The following DPP8 variants were observed in gnomAD, a reference collection of about 807,000 sequenced individuals.
DPP8 encodes dipeptidyl peptidase 8.
DPP8 carries 31 observed loss-of-function variants against 107.5 expected under a neutral mutation model. The observed-to-expected ratio is 0.29, with a 90% CI of 0.22 to 0.39. The LOEUF (loss-of-function observed/expected upper bound fraction) is 0.39, where lower values mean the gene tolerates loss of function less well. Among genes scored for constraint, DPP8 ranks in the 10% least tolerant of loss-of-function variants. The pLI, the probability that DPP8 is intolerant of heterozygous loss-of-function variation, is 1.00. For synonymous variants in DPP8, 381 were observed against 356.6 expected, an observed-to-expected ratio of 1.07 and a Z score of -0.77; for missense variants, 842 against 1,076.1, an observed-to-expected ratio of 0.78 and a Z score of 3.04.
At chr15:65,506,447 T>C (rs1019625443) in intron 3 of DPP8, among the ~76,000 whole-genome samples, 1 of 151,712 alleles carries the variant, frequency 6.6e-6, no homozygotes, top group Non-Finnish European at 1.5e-5. Flanking sequence ...CAATTTACTT[T>C]CTTATCTAAA....
chr15:65,485,004 C>T (rs772187714), intron 8 of DPP8, 95 bp downstream of exon 8: 75 of 975,028 alleles, frequency 7.7e-5, no homozygotes, highest in Non-Finnish European at 1.1e-4. Context: ...GCAAGTTCAG[C>T]AAGTCCAAAA....
rs187264927 is a variant in DPP8 at position 65,504,389 on chromosome 15, G to A, written c.372+2854C>T. Reference sequence around the variant, plus strand: ...AAAAAAAAAAAAAAAAATTGTGGTAGGGCCGGGTGCAGCGGCTCACGCTTG... The same window carrying A: ...AAAAAAAAAAAAAAAAATTGTGGTAAGGCCGGGTGCAGCGGCTCACGCTTG... On this transcript the variant is annotated intron_variant, in intron 3 of 19. Coordinates refer to ENST00000300141, the MANE Select transcript of DPP8 (RefSeq NM_130434.5). Among the ~76,000 whole-genome samples, 182 of 150,196 alleles carry A rather than the reference G, an allele frequency of 1.2e-3. 3 individuals are homozygous for A. Among genetic ancestry groups the A allele is most frequent in the East Asian group, 6.1e-3 (31 of 5,052 alleles).
chr15:65,471,319 A>G (rs2065876283), intron 12 of DPP8, among the ~76,000 whole-genome samples: 1 of 152,184 alleles, frequency 6.6e-6, no homozygotes, highest in African/African-American at 2.4e-5. Flanking sequence ...ATGAGACCTT[A>G]AAGGTCAGTC....
At chr15:65,479,719 C>T (rs2140724471) in intron 10 of DPP8, among the ~76,000 whole-genome samples, 1 of 151,760 alleles carries the variant, frequency 6.6e-6, no homozygotes, top group African/African-American at 2.4e-5. Context: ...TGGCGGGCGC[C>T]TGTAGTCCCA....
intron 12 of DPP8, among the ~76,000 whole-genome samples, chr15:65,467,851 T>G (rs2065495462): frequency 6.6e-6 from 1 of 152,214 alleles, no homozygotes; most frequent in Admixed American, 6.5e-5. Context: ...ATATTGCAGC[T>G]TAGGGCAATC....
rs2063432258 is a variant in DPP8 at position 65,444,843 on chromosome 15, ATATAT to A, written c.*2036_*2040del. ...CTACTGTATACCATTTCTACTTTGC[ATATAT>A]TATAAGGATAGATCCTTCGAGGCCA... On this transcript the variant is annotated 3_prime_UTR_variant, in exon 20 of 20. Transcript: ENST00000300141. 1 of 152,194 alleles carries A rather than the reference ATATAT, an allele frequency of 6.6e-6. No individual in the cohort carries two copies. Among genetic ancestry groups the A allele is most frequent in the Non-Finnish European group, 1.5e-5 (1 of 68,050 alleles). 9.4% of individuals were successfully genotyped at this position (152,194 alleles called of 1,614,324 possible).
At position 65,515,696 on chromosome 15, in the gene DPP8, A is replaced by G. The variant is rs116808836; in HGVS notation, c.-12+1790T>C. 9.2e-3 allele frequency: 14,844 copies of G among 1,613,010 alleles called. 181 individuals carry two copies. Among genetic ancestry groups the G allele is most frequent in the South Asian group, 0.04 (3,612 of 90,928 alleles). On this transcript the variant is annotated intron_variant, in intron 1 of 19. Transcript: ENST00000300141. Reference sequence around the variant, plus strand: ...TCTGCTCAGATCTCTTCCACATTCAAAGAGATCTTTTTCAAGTGACTCGAC... The same window carrying G: ...TCTGCTCAGATCTCTTCCACATTCAGAGAGATCTTTTTCAAGTGACTCGAC...
In DPP8 at chr15:65,474,357, A is replaced by G; in HGVS notation, c.1457-69T>C. The G allele has an allele frequency of 5.1e-6, 6 of 1,175,068 alleles. No homozygotes were observed. The South Asian group carries it at 7.6e-5, about 15-fold the overall frequency. The allele number at this position is 1,175,068 out of a possible 1,614,324, so 72.8% of individuals were successfully genotyped here. A position where few individuals can be genotyped will look rare whatever the true frequency, so the allele number is the denominator to read the frequency against. ...ATAAGCAAATGAAACAATTAAGAAC[A>G]GTACTCTAAGCTCTTTTTTCCAAAA... is the stretch of plus-strand genomic sequence containing the variant. On this transcript the variant is annotated intron_variant, in intron 11 of 19. Transcript: ENST00000300141.
chr15:65,485,633 A>T (rs2067346989), intron 7 of DPP8, among the ~76,000 whole-genome samples: 1 of 150,590 alleles, frequency 6.6e-6, no homozygotes, highest in South Asian at 2.1e-4. Flanking sequence ...ATTTTGCCAG[A>T]TCAATTCTCT....
At chr15:65,476,183 C>T (rs1388536669) in intron 11 of DPP8, among the ~76,000 whole-genome samples, 4 of 152,106 alleles carry the variant, frequency 2.6e-5, no homozygotes, top group Admixed American at 2.6e-4. Context: ...CAGCTGATGA[C>T]AGGCCTAGGT....
At chr15:65,510,782 G>A (rs935543360) in intron 2 of DPP8, among the ~76,000 whole-genome samples, 5 of 152,074 alleles carry the variant, frequency 3.3e-5, no homozygotes, top group Non-Finnish European at 5.9e-5. Flanking sequence ...CAAGTGATCC[G>A]CCAGCCATAG....
At chr15:65,470,212 A>G (rs2065747125) in intron 12 of DPP8, among the ~76,000 whole-genome samples, 3 of 151,098 alleles carry the variant, frequency 2.0e-5, no homozygotes, top group East Asian at 1.9e-4. Context: ...AAAAAAAAAA[A>G]AAAAAAAAGA....
At chr15:65,463,587 C>T (rs374071336) in intron 15 of DPP8, among the ~76,000 whole-genome samples, 174 bp downstream of exon 15, 3 of 149,908 alleles carry the variant, frequency 2.0e-5, no homozygotes, top group East Asian at 3.9e-4. Flanking sequence ...AAACCTCCAA[C>T]AAAAACCAGT....
intron 5 of DPP8, among the ~76,000 whole-genome samples, chr15:65,490,906 T>A (rs926367598): frequency 6.6e-6 from 1 of 152,134 alleles, no homozygotes; most frequent in African/African-American, 2.4e-5. Flanking sequence ...ATGCCTGTAA[T>A]CCCAGCACTT....
chr15:65,479,593 C>T (rs2066710896), intron 10 of DPP8, among the ~76,000 whole-genome samples: 1 of 151,860 alleles, frequency 6.6e-6, no homozygotes, highest in South Asian at 2.1e-4. Context: ...GCCTGTAATC[C>T]CAGCACTTTG....
At chr15:65,481,034 T>C (rs961777879) in intron 9 of DPP8, among the ~76,000 whole-genome samples, 2 of 151,522 alleles carry the variant, frequency 1.3e-5, no homozygotes, top group African/African-American at 4.9e-5. Context: ...CAGTGAGCCA[T>C]GATTGCACCA....
chr15:65,465,166 T>TC (rs1045346022), intron 14 of DPP8, among the ~76,000 whole-genome samples: 3 of 148,710 alleles, frequency 2.0e-5, no homozygotes, highest in Non-Finnish European at 3.0e-5. Flanking sequence ...ATTTGTTTTT[T>TC]CTTTTTTTTT....
intron 3 of DPP8, among the ~76,000 whole-genome samples, chr15:65,503,931 G>C (rs1196414082): frequency 2.0e-5 from 3 of 151,814 alleles, no homozygotes; most frequent in Admixed American, 2.0e-4. Flanking sequence ...GGCCTTTTCT[G>C]TATTTTTTTT....
chr15:65,481,008 A>G (rs149358163), intron 9 of DPP8, among the ~76,000 whole-genome samples: 95 of 151,996 alleles, frequency 6.3e-4, no homozygotes, highest in African/African-American at 2.3e-3. Context: ...AGCTTTAGCC[A>G]GGGAGGTTGA....
Sources: allele counts gnomAD v4.1 joint callset (sites outside exome capture counted in the v4.1 genomes callset), GRCh38; gene constraint gnomAD v4.1.1; transcripts MANE v1.5; gene names NCBI Gene and HGNC (gene_info 2026-07-23, HGNC 2026-07-21).